The following LRRC4C variants were observed in gnomAD, a reference collection of about 807,000 sequenced individuals.
LRRC4C encodes leucine-rich repeat-containing protein 4C.
In LRRC4C, 5 loss-of-function variants were observed where a neutral mutation model predicts 33.6. That is an observed-to-expected ratio of 0.15 (90% CI 0.08 to 0.31). LRRC4C has a LOEUF of 0.31. Ranked by LOEUF, LRRC4C falls within the 10% of genes least tolerant of loss-of-function variation. LRRC4C has a pLI of 1.00. For synonymous variants in LRRC4C, 329 were observed against 302.0 expected (o/e 1.09, Z -0.93); for missense variants, 560 against 796.7 (o/e 0.70, Z 3.58).
intron 3 of LRRC4C, among the ~76,000 whole-genome samples, chr11:40,435,780 G>A (rs1182984726): frequency 6.6e-6 from 1 of 152,174 alleles, no homozygotes; most frequent in Non-Finnish European, 1.5e-5. Flanking sequence ...TAACCCGAGT[G>A]TTGTTTTAGC....
intron 2 of LRRC4C, among the ~76,000 whole-genome samples, chr11:40,849,947 T>C (rs1049163284): frequency 2.6e-5 from 4 of 151,650 alleles, no homozygotes; most frequent in Non-Finnish European, 4.4e-5. Flanking sequence ...GTATGCTTCA[T>C]GAAGTTCTTG....
chr11:40,682,270 G>GA (rs201342953), intron 2 of LRRC4C, among the ~76,000 whole-genome samples: 12,721 of 127,148 alleles, frequency 0.1, 1,837 homozygotes, highest in African/African-American at 0.32. Flanking sequence ...GCCCCACCTT[G>GA]AAAAAAAAAA....
intron 5 of LRRC4C, among the ~76,000 whole-genome samples, chr11:40,179,251 A>G (rs886378683): frequency 6.6e-6 from 1 of 151,968 alleles, no homozygotes; most frequent in Non-Finnish European, 1.5e-5. Flanking sequence ...GGATCCTCCC[A>G]TCTCAACTTC....
chr11:41,145,385 A>T (rs1943684682), intron 1 of LRRC4C, among the ~76,000 whole-genome samples: 1 of 150,288 alleles, frequency 6.7e-6, no homozygotes, highest in South Asian at 2.1e-4. Context: ...TCTTGCCTCT[A>T]TCACAAAGTT....
chr11:41,085,509 TTAA>T (rs1032254929), intron 1 of LRRC4C, among the ~76,000 whole-genome samples: 1 of 152,068 alleles, frequency 6.6e-6, no homozygotes, highest in Non-Finnish European at 1.5e-5. Flanking sequence ...TTATAAAATA[TTAA>T]TAATAATATA....
intron 2 of LRRC4C, among the ~76,000 whole-genome samples, chr11:40,800,483 T>G (rs2135272520): frequency 1.3e-5 from 2 of 152,342 alleles, no homozygotes; most frequent in South Asian, 2.1e-4. Flanking sequence ...TTTCCGAAGT[T>G]ACCTTTTTAA....
At chr11:41,253,040 A>C (rs947605134) in intron 1 of LRRC4C, among the ~76,000 whole-genome samples, 1 of 152,100 alleles carries the variant, frequency 6.6e-6, no homozygotes, top group African/African-American at 2.4e-5. Flanking sequence ...CCAAAATGTT[A>C]TTTTGAGTAA....
At chr11:40,215,098 C>T (rs928716192) in intron 5 of LRRC4C, among the ~76,000 whole-genome samples, 4 of 152,180 alleles carry the variant, frequency 2.6e-5, no homozygotes, top group African/African-American at 9.7e-5. Flanking sequence ...AGTACTACAA[C>T]TAATGATATT....
intron 1 of LRRC4C, among the ~76,000 whole-genome samples, chr11:40,973,866 T>C (rs914991240): frequency 3.9e-5 from 6 of 152,140 alleles, no homozygotes; most frequent in African/African-American, 1.2e-4. Flanking sequence ...GGAATACTCA[T>C]ATAATAGATA....
intron 3 of LRRC4C, among the ~76,000 whole-genome samples, chr11:40,574,622 A>G (rs915434356): frequency 6.6e-6 from 1 of 152,168 alleles, no homozygotes; most frequent in Admixed American, 6.5e-5. Flanking sequence ...TCCTATCTTG[A>G]CAAATGTCCC....
chr11:41,150,906 A>T (rs1326856505), intron 1 of LRRC4C, among the ~76,000 whole-genome samples: 3 of 152,166 alleles, frequency 2.0e-5, no homozygotes, highest in Non-Finnish European at 4.4e-5. Flanking sequence ...AAACATACAG[A>T]TGATGGGAGA....
intron 1 of LRRC4C, among the ~76,000 whole-genome samples, chr11:41,371,315 T>C (rs144220222): frequency 2.0e-5 from 3 of 152,368 alleles, no homozygotes; most frequent in African/African-American, 7.2e-5. Context: ...AAGACACAAA[T>C]GAAACTTTCC....
chr11:40,181,704 T>TA (rs1310465465), intron 5 of LRRC4C, among the ~76,000 whole-genome samples: 1 of 152,198 alleles, frequency 6.6e-6, no homozygotes, highest in African/African-American at 2.4e-5. Flanking sequence ...GCAAATCCAT[T>TA]TCTGGTCCAT....
intron 3 of LRRC4C, among the ~76,000 whole-genome samples, chr11:40,453,621 A>AAAAAAC (rs1951998517): frequency 6.6e-6 from 1 of 151,896 alleles, no homozygotes; most frequent in Admixed American, 6.6e-5. Flanking sequence ...TTCTAAGAAA[A>AAAAAAC]AAAAAACAAC....
At chr11:41,456,250 AG>A (rs1187754134) in intron 1 of LRRC4C, among the ~76,000 whole-genome samples, 1 of 152,128 alleles carries the variant, frequency 6.6e-6, no homozygotes, top group African/African-American at 2.4e-5. Context: ...ATACAGCTCT[AG>A]GCTGTTGTAA....
chr11:40,261,534 C>A (rs940401968), intron 4 of LRRC4C, among the ~76,000 whole-genome samples: 1 of 152,044 alleles, frequency 6.6e-6, no homozygotes, highest in Non-Finnish European at 1.5e-5. Flanking sequence ...GCCTAACCAA[C>A]ATTTAACAAG....
intron 3 of LRRC4C, among the ~76,000 whole-genome samples, chr11:40,611,355 T>C (rs996222249): frequency 2.6e-5 from 4 of 151,834 alleles, no homozygotes; most frequent in African/African-American, 9.7e-5. Context: ...ACACCATACA[T>C]AAAAATTAAC....
At chr11:40,863,537 A>G (rs1035424637) in intron 2 of LRRC4C, among the ~76,000 whole-genome samples, 3 of 152,168 alleles carry the variant, frequency 2.0e-5, no homozygotes, top group Non-Finnish European at 2.9e-5. Context: ...TGGTATGGGC[A>G]TTTGACCCAA....
intron 1 of LRRC4C, among the ~76,000 whole-genome samples, chr11:41,264,896 C>T (rs1949099296): frequency 6.6e-6 from 1 of 152,074 alleles, no homozygotes; most frequent in Non-Finnish European, 1.5e-5. Flanking sequence ...CATGTAATTT[C>T]CTTGATGTAA....
Sources: allele counts gnomAD v4.1 joint callset (sites outside exome capture counted in the v4.1 genomes callset), GRCh38; gene constraint gnomAD v4.1.1; transcripts MANE v1.5; gene names NCBI Gene and HGNC (gene_info 2026-07-23, HGNC 2026-07-21).